Variants in FRMD3 observed in about 807,000 individuals in gnomAD.
FRMD3 encodes the protein FERM domain containing 3, also known as FERM domain-containing protein 3.
A neutral mutation model predicts 70.2 loss-of-function variants in FRMD3; 33 were observed. That is an observed-to-expected ratio of 0.47 (90% CI 0.36 to 0.63). The LOEUF is 0.63. Ranked by LOEUF, FRMD3 falls within the 20% of genes least tolerant of loss-of-function variation. FRMD3 has a pLI of 0.00. For missense variants in FRMD3, 632 were observed against 711.4 expected (o/e 0.89, Z 1.27); for synonymous variants, 279 against 255.9 (o/e 1.09, Z -0.86).
At chr9:83,354,508 A>G (rs1047989051) in intron 3 of FRMD3, among the ~76,000 whole-genome samples, 1 of 152,176 alleles carries the variant, frequency 6.6e-6, no homozygotes, top group Admixed American at 6.5e-5. Flanking sequence ...CTAGAAGAAG[A>G]AAGTAAAGGG....
chr9:83,428,762 C>T (rs758160790), intron 1 of FRMD3, among the ~76,000 whole-genome samples: 1 of 152,118 alleles, frequency 6.6e-6, no homozygotes, highest in African/African-American at 2.4e-5. Context: ...CTTGGAAATA[C>T]TGAAGCTCAG....
At chr9:83,324,857 G>A (rs1447965752) in intron 6 of FRMD3, among the ~76,000 whole-genome samples, 1 of 152,196 alleles carries the variant, frequency 6.6e-6, no homozygotes, top group East Asian at 1.9e-4. Flanking sequence ...ATGGGCAAAC[G>A]CAGGATGCAA....
At chr9:83,320,789 A>C (rs968339999) in intron 6 of FRMD3, among the ~76,000 whole-genome samples, 11 of 152,068 alleles carry the variant, frequency 7.2e-5, no homozygotes, top group African/African-American at 2.7e-4. Flanking sequence ...TCAGCTGTGA[A>C]TCCATCTGAT....
At chr9:83,516,530 T>C (rs898410875) in intron 1 of FRMD3, among the ~76,000 whole-genome samples, 2 of 152,118 alleles carry the variant, frequency 1.3e-5, no homozygotes, top group Admixed American at 1.3e-4. Context: ...GTGGGAGACT[T>C]TAACACCACA....
intron 6 of FRMD3, among the ~76,000 whole-genome samples, chr9:83,323,404 C>T (rs936256232): frequency 6.6e-6 from 1 of 152,184 alleles, no homozygotes; most frequent in Admixed American, 6.5e-5. Context: ...AAGCCAAATG[C>T]TACAGTTCAA....
intron 1 of FRMD3, among the ~76,000 whole-genome samples, chr9:83,438,556 T>C (rs1257281136): frequency 6.6e-6 from 1 of 152,132 alleles, no homozygotes; most frequent in Non-Finnish European, 1.5e-5. Flanking sequence ...CCTGTCACCA[T>C]GCCCAGCTAA....
At chr9:83,470,920 T>C (rs1828252981) in intron 1 of FRMD3, among the ~76,000 whole-genome samples, 1 of 152,240 alleles carries the variant, frequency 6.6e-6, no homozygotes, top group African/African-American at 2.4e-5. Context: ...CTGGAGCATT[T>C]TCCCCCATCT....
intron 1 of FRMD3, among the ~76,000 whole-genome samples, chr9:83,499,296 GC>G (rs1273927537): frequency 6.6e-6 from 1 of 152,160 alleles, no homozygotes; most frequent in African/African-American, 2.4e-5. Flanking sequence ...CAGGGCCAGT[GC>G]TTTCAAACGG....
rs571124617 is a variant in FRMD3 at position 83,350,809 on chromosome 9, C to A, written c.296-1052G>T. On this transcript the variant is annotated intron_variant, in intron 3 of 13. Transcript: ENST00000304195. ...CTCAAATATCCAGAACTCACCCAAC[C>A]AATGGGGATTCTACAGGACTTCCAA... The A allele has an allele frequency of 2.0e-5, 16 of 802,872 alleles. No individual in the cohort carries two copies. In the South Asian group the frequency reaches 8.5e-4, roughly 43 times the overall value. The allele number at this position is 802,872 out of a possible 1,614,324, so 49.7% of individuals were successfully genotyped here. A position where few individuals can be genotyped will look rare whatever the true frequency, so the allele number is the denominator to read the frequency against.
At chr9:83,452,856 T>A (rs1827708062) in intron 1 of FRMD3, among the ~76,000 whole-genome samples, 1 of 137,796 alleles carries the variant, frequency 7.3e-6, no homozygotes, top group African/African-American at 2.7e-5. Context: ...GCCTTTTTTT[T>A]TTTTTTTTTT....
intron 3 of FRMD3, among the ~76,000 whole-genome samples, chr9:83,360,395 A>C (rs943435853): frequency 3.3e-5 from 5 of 152,198 alleles, no homozygotes; most frequent in African/African-American, 1.2e-4. Flanking sequence ...AGACATGAAC[A>C]AAGCCTTCCT....
At chr9:83,358,602 T>C (rs1033385163) in intron 3 of FRMD3, among the ~76,000 whole-genome samples, 8 of 152,158 alleles carry the variant, frequency 5.3e-5, no homozygotes, top group African/African-American at 1.4e-4. Flanking sequence ...TTGTCTATGA[T>C]TTCTTTCAGC....
chr9:83,373,901 T>C (rs114262487), intron 2 of FRMD3, among the ~76,000 whole-genome samples: 1,859 of 152,296 alleles, frequency 0.012, 51 homozygotes, highest in African/African-American at 0.043. Flanking sequence ...CTCTATCTCC[T>C]TTGTGTTATC....
chr9:83,563,094 A>G, the FRMD3 span, among the ~76,000 whole-genome samples: 1 of 152,216 alleles, frequency 6.6e-6, no homozygotes, highest in Non-Finnish European at 1.5e-5. Flanking sequence ...TTAGAGCTGC[A>G]ATTAAAAGCC....
Position 83,407,782 on chromosome 9 carries a change from A to G in FRMD3, c.148-18074T>C, listed in dbSNP as rs146569531. 1.3e-3 allele frequency among the ~76,000 whole-genome samples: 188 copies of G among 147,398 alleles called. 3 individuals carry two copies. In the East Asian group the frequency reaches 0.027, roughly 21 times the overall value. ...TGTGGAAGCAACTGAAGATTTCTTC[A>G]CTCACATGTCTGGTGCCTAGACTGG... On this transcript the variant is annotated intron_variant, in intron 1 of 13. Coordinates refer to ENST00000304195, the MANE Select transcript of FRMD3 (RefSeq NM_174938.6).
At chr9:83,396,112 C>T (rs187947501) in intron 1 of FRMD3, among the ~76,000 whole-genome samples, 1 of 152,308 alleles carries the variant, frequency 6.6e-6, no homozygotes, top group African/African-American at 2.4e-5. Context: ...GTTTACAGGG[C>T]TGTCAAACCG....
At position 83,402,261 on chromosome 9, in the gene FRMD3, G is replaced by A. The variant is rs144346255; in HGVS notation, c.148-12553C>T. Among the ~76,000 whole-genome samples, 8 of 148,330 alleles carry A rather than the reference G, an allele frequency of 5.4e-5. No individual in the cohort carries two copies. The East Asian group carries it at 1.6e-3, about 29-fold the overall frequency. On this transcript the variant is annotated intron_variant, in intron 1 of 13. Transcript: ENST00000304195. ...AACGCCCCAGGAGCCTAACAAGGAA[G>A]ACAGAATTCCTCCTGAAATTGCATA...
intron 10 of FRMD3, among the ~76,000 whole-genome samples, chr9:83,306,219 A>G (rs1350750189): frequency 6.6e-6 from 1 of 152,180 alleles, no homozygotes; most frequent in Non-Finnish European, 1.5e-5. Flanking sequence ...AGTCCTTCCA[A>G]GCAAAACTTG....
At chr9:83,526,902 A>G (rs1455962008) in intron 1 of FRMD3, among the ~76,000 whole-genome samples, 1 of 147,332 alleles carries the variant, frequency 6.8e-6, no homozygotes, top group Non-Finnish European at 1.5e-5. Context: ...TCTTTTTGCT[A>G]AAGTGGTCCC....
Sources: allele counts gnomAD v4.1 joint callset (sites outside exome capture counted in the v4.1 genomes callset), GRCh38; gene constraint gnomAD v4.1.1; transcripts MANE v1.5; gene names NCBI Gene and HGNC (gene_info 2026-07-23, HGNC 2026-07-21).